Variants in SOX5 observed in about 807,000 individuals in gnomAD.
The protein encoded by SOX5 is transcription factor SOX-5.
SOX5 carries 9 observed loss-of-function variants against 92.0 expected under a neutral mutation model. The ratio of observed to expected loss-of-function variants is 0.10; its 90% CI spans 0.06 to 0.17. SOX5 has a LOEUF of 0.17. Ranked by LOEUF, SOX5 falls within the 10% of genes least tolerant of loss-of-function variation. The pLI is 1.00. For synonymous variants in SOX5, 344 were observed against 336.3 expected (o/e 1.02, Z -0.25); for missense variants, 642 against 944.5 (o/e 0.68, Z 4.20).
chr12:23,537,815 T>C (rs956604034), intron 13 of SOX5, among the ~76,000 whole-genome samples: 1 of 152,188 alleles, frequency 6.6e-6, no homozygotes, highest in African/African-American at 2.4e-5. Flanking sequence ...TCTCACTGAC[T>C]TCAAGAATGA....
chr12:23,723,656 A>T (rs2092954203), intron 6 of SOX5, among the ~76,000 whole-genome samples: 1 of 151,436 alleles, frequency 6.6e-6, no homozygotes, highest in Non-Finnish European at 1.5e-5. Context: ...AACAGAGAAG[A>T]TAAAAGAAAA....
At chr12:24,557,038 G>C (rs1953858204) in intron 1 of SOX5, among the ~76,000 whole-genome samples, 1 of 152,144 alleles carries the variant, frequency 6.6e-6, no homozygotes, top group Non-Finnish European at 1.5e-5. Flanking sequence ...TTCACACGTA[G>C]TATCTAACAT....
chr12:23,771,083 A>G lies in SOX5; in HGVS notation c.482-15359T>C, dbSNP rs1012867079. ...CAGATTATTATAAATTTCTTCATAC[A>G]TATCGTATTCTAATCAGGGACTACC... On this transcript the variant is annotated intron_variant, in intron 3 of 14. Transcript: ENST00000451604. Among the ~76,000 whole-genome samples the G allele has an allele frequency of 2.6e-5, 4 of 151,786 alleles. No homozygotes were observed. The South Asian group carries it at 8.3e-4, about 31-fold the overall frequency.
At chr12:23,950,791 G>T, upstream of SOX5, 1 of 1,339,248 alleles carries the variant, frequency 7.5e-7, no homozygotes, top group Non-Finnish European at 1.0e-6. Context: ...AAATCTGGCA[G>T]CCGAGAAAGG....
intron 3 of SOX5, among the ~76,000 whole-genome samples, chr12:23,784,380 G>A (rs796133536): frequency 1.2e-4 from 19 of 152,004 alleles, no homozygotes; most frequent in East Asian, 3.9e-4. Flanking sequence ...AGGCTGGAGC[G>A]CAGTGGCATG....
chr12:23,842,505 A>T (rs1594957625), intron 3 of SOX5, among the ~76,000 whole-genome samples: 3 of 152,316 alleles, frequency 2.0e-5, no homozygotes, highest in Admixed American at 2.0e-4. Context: ...ATACGTCAGA[A>T]GCAAGGGATA....
rs530759032 is a variant in SOX5 at position 23,878,862 on chromosome 12, T to C, written c.270+16931A>G. On this transcript the variant is annotated intron_variant, in intron 2 of 14. Coordinates refer to ENST00000451604, the MANE Select transcript of SOX5 (RefSeq NM_006940.6). ...TCATATATTCTATTTATTGCAGATA[T>C]CCAGTTCTAGGATAAGACTCTCTAT... Among the ~76,000 whole-genome samples, 19 of 152,262 alleles carry C rather than the reference T, an allele frequency of 1.2e-4. No homozygotes were observed. In the South Asian group the frequency reaches 3.9e-3, roughly 32 times the overall value.
chr12:23,823,429 G>A (rs2096164614), intron 3 of SOX5, among the ~76,000 whole-genome samples: 1 of 152,196 alleles, frequency 6.6e-6, no homozygotes, highest in Non-Finnish European at 1.5e-5. Context: ...CTTTAAGAGT[G>A]TTGAATATTG....
Position 24,174,042 on chromosome 12 carries a change from G to T in SOX5, c.-2+39301C>A, listed in dbSNP as rs530386874. On this transcript the variant is annotated intron_variant, in intron 4 of 4. Transcript: ENST00000446891. Reference sequence around the variant, plus strand: ...TGAGACAGTCTCACTGTGTCACCCAGTCTGGAGTACAGTGGTATAATCTCG... The same window carrying T: ...TGAGACAGTCTCACTGTGTCACCCATTCTGGAGTACAGTGGTATAATCTCG... 7.9e-5 allele frequency among the ~76,000 whole-genome samples: 12 copies of T among 151,846 alleles called. No homozygotes were observed. In the East Asian group the frequency reaches 2.3e-3, roughly 29 times the overall value.
intron 9 of SOX5, among the ~76,000 whole-genome samples, chr12:23,598,651 G>A (rs1250919261): frequency 2.0e-5 from 3 of 151,734 alleles, no homozygotes; most frequent in Non-Finnish European, 4.4e-5. Context: ...CATCCACCTC[G>A]GCCTCCCAAA....
At chr12:24,053,178 GCC>G (rs142757056) in intron 4 of SOX5, among the ~76,000 whole-genome samples, 1 of 136,828 alleles carries the variant, frequency 7.3e-6, no homozygotes. Flanking sequence ...GCTACTGCAC[GCC>G]CCCCCCCTTT....
At chr12:23,639,357 C>G (rs1489134334) in intron 8 of SOX5, among the ~76,000 whole-genome samples, 2 of 152,058 alleles carry the variant, frequency 1.3e-5, no homozygotes, top group Non-Finnish European at 2.9e-5. Context: ...TTGCCTCTAA[C>G]TTGCTCTCAC....
chr12:24,492,028 A>G (rs1947140632), intron 1 of SOX5, among the ~76,000 whole-genome samples: 1 of 152,150 alleles, frequency 6.6e-6, no homozygotes, highest in Admixed American at 6.5e-5. Flanking sequence ...AGCAAGAGCT[A>G]CAAGCAGACA....
intron 4 of SOX5, among the ~76,000 whole-genome samples, chr12:24,107,988 A>G (rs1946877338): frequency 6.6e-6 from 1 of 152,196 alleles, no homozygotes; most frequent in South Asian, 2.1e-4. Flanking sequence ...AAGTTTTAAA[A>G]TCAAGTCAGA....
chr12:24,328,902 A>T (rs1235584556), intron 2 of SOX5, among the ~76,000 whole-genome samples: 1 of 152,176 alleles, frequency 6.6e-6, no homozygotes, highest in Non-Finnish European at 1.5e-5. Context: ...CCTTTTTCAA[A>T]CCCTAATAAT....
intron 2 of SOX5, among the ~76,000 whole-genome samples, chr12:24,298,241 T>C (rs1396144515): frequency 6.6e-6 from 1 of 152,116 alleles, no homozygotes; most frequent in Non-Finnish European, 1.5e-5. Flanking sequence ...AGCTAATTTT[T>C]GTGTTTTCTG....
At chr12:23,859,968 A>T (rs1465607236) in intron 2 of SOX5, among the ~76,000 whole-genome samples, 1 of 152,244 alleles carries the variant, frequency 6.6e-6, no homozygotes, top group Non-Finnish European at 1.5e-5. Context: ...TGCAGCCATA[A>T]CAAAGAATGA....
At chr12:23,646,859 C>T (rs1055836705) in intron 7 of SOX5, among the ~76,000 whole-genome samples, 1 of 152,106 alleles carries the variant, frequency 6.6e-6, no homozygotes, top group Non-Finnish European at 1.5e-5. Flanking sequence ...CAATTATTTC[C>T]TCTACTGATG....
intron 1 of SOX5, among the ~76,000 whole-genome samples, chr12:24,447,710 T>C (rs898769564): frequency 6.6e-6 from 1 of 152,176 alleles, no homozygotes; most frequent in African/African-American, 2.4e-5. Flanking sequence ...ATAAAACTAT[T>C]GTAAAATCAA....
Sources: allele counts gnomAD v4.1 joint callset (sites outside exome capture counted in the v4.1 genomes callset), GRCh38; gene constraint gnomAD v4.1.1; transcripts MANE v1.5; gene names NCBI Gene and HGNC (gene_info 2026-07-23, HGNC 2026-07-21).